Variants in PXDN observed in about 807,000 individuals in gnomAD.
PXDN encodes peroxidasin, also known as peroxidasin homolog.
In PXDN, 77 loss-of-function variants were observed where a neutral mutation model predicts 140.3. The observed-to-expected ratio is 0.55, with a 90% CI of 0.46 to 0.66. The LOEUF is 0.66. Among genes scored for constraint, PXDN ranks in the 30% least tolerant of loss-of-function variants. The pLI is 0.00. For missense variants in PXDN, 1,838 were observed against 2,039.5 expected (o/e 0.90, Z 1.90); for synonymous variants, 911 against 857.4 (o/e 1.06, Z -1.09).
At position 1,634,280 on chromosome 2, in the gene PXDN, G is replaced by A; in HGVS notation, c.4364C>T (p.Thr1455Ile). The change falls in exon 23 of 23, where the codon ACC becomes ATC. Residue 1455 changes from threonine (T) to isoleucine (I), a missense_variant. Physicochemically the swap from Thr to Ile is moderately conservative, Grantham distance 89. Around this residue, in one of 5 missense-constraint regions of PXDN, gnomAD observed 850 missense variants for 894.1 expected, o/e 0.95. Transcript: ENST00000252804. ...TGGGATGTTCACGGGGACAGCACAG[G>A]TGGCAGGGGGGCAAGCTTCCACGAA... ...TCFVEACPPA[T>I]CAVPVNIPGA... The A allele has an allele frequency of 6.2e-7, 1 of 1,607,228 alleles. No individual in the cohort carries two copies. The highest frequency in any genetic ancestry group is 8.5e-7 in the Non-Finnish European group (1 of 1,177,130).
intron 9 of PXDN, among the ~76,000 whole-genome samples, chr2:1,666,788 T>C (rs956565078): frequency 6.6e-6 from 1 of 152,220 alleles, no homozygotes; most frequent in South Asian, 2.1e-4. Context: ...TTCTTATTTC[T>C]AAATAAAATA....
intron 1 of PXDN, among the ~76,000 whole-genome samples, chr2:1,711,656 GCACCCACTCTC>G (rs1558521754): frequency 1.9e-5 from 1 of 52,650 alleles, no homozygotes; most frequent in African/African-American, 9.0e-5. Context: ...CACTCCACCA[GCACCCACTCTC>G]CACCAGCACC....
chr2:1,685,923 G>A lies in PXDN; in HGVS notation c.416+1709C>T, dbSNP rs1684044994. Among the ~76,000 whole-genome samples, 1 of 152,176 alleles carries A rather than the reference G, an allele frequency of 6.6e-6. No individual in the cohort carries two copies. The highest frequency in any genetic ancestry group is 1.5e-5 in the Non-Finnish European group (1 of 68,024). ...AAACGCATGTTTCCTGACTGGCCAGGTGTGTTTTCTGACCTGTGTCCACAG... is the reference window on the plus strand; with the variant it reads ...AAACGCATGTTTCCTGACTGGCCAGATGTGTTTTCTGACCTGTGTCCACAG... On this transcript the variant is annotated intron_variant, in intron 4 of 22. Coordinates refer to ENST00000252804, the MANE Select transcript of PXDN (RefSeq NM_012293.3). This position sits in a 1 kb window ranked among gnomAD's most constrained non-coding sequence, Gnocchi z 5.1.
Position 1,648,933 on chromosome 2 carries a change from G to A in PXDN, c.2847C>T (p.Leu949=), listed in dbSNP as rs763504104. Residue 949 remains leucine (L), a synonymous_variant, in exon 17 of 23, where the codon CTC becomes CTT. Transcript: ENST00000252804. This position sits in a 1 kb window ranked among gnomAD's most constrained non-coding sequence, Gnocchi z 8.9. Reference sequence around the variant, plus strand: ...CCGTGGGCGGCCCGGTGGCGAAGGGGAGCAGCGGCTTCCCGGACCGCTGCA... The same window carrying A: ...CCGTGGGCGGCCCGGTGGCGAAGGGAAGCAGCGGCTTCCCGGACCGCTGCA... The part of the protein sequence containing the change: ...GIVQRSGKPL[L]PFATGPPTEC... The A allele has an allele frequency of 6.2e-7, 1 of 1,603,502 alleles. No individual in the cohort carries two copies. Among genetic ancestry groups the A allele is most frequent in the South Asian group, 1.1e-5 (1 of 90,744 alleles).
At position 1,634,010 on chromosome 2, in the gene PXDN, G is replaced by T. The variant is rs1183733021; in HGVS notation, c.*194C>A. ...CCTGCCTGCTTCCCTTCAGGCACCT[G>T]CTGTGCCTCCTTCTCCGCAGATGCT... is the stretch of plus-strand genomic sequence containing the variant. On this transcript the variant is annotated 3_prime_UTR_variant, in exon 23 of 23. Coordinates refer to ENST00000252804, the MANE Select transcript of PXDN (RefSeq NM_012293.3). The T allele has an allele frequency of 1.4e-6, 1 of 698,094 alleles. No individual in the cohort carries two copies. The highest frequency in any genetic ancestry group is 2.2e-6 in the Non-Finnish European group (1 of 460,322). The allele number at this position is 698,094 out of a possible 1,614,324, so 43.2% of individuals were successfully genotyped here. A position where few individuals can be genotyped will look rare whatever the true frequency, so the allele number is the denominator to read the frequency against.
intron 9 of PXDN, among the ~76,000 whole-genome samples, chr2:1,670,441 T>C (rs1410917939): frequency 6.6e-6 from 1 of 152,176 alleles, no homozygotes; most frequent in Non-Finnish European, 1.5e-5. Flanking sequence ...CTAAGCATTT[T>C]GGGAAGAGGG....
intron 3 of PXDN, among the ~76,000 whole-genome samples, chr2:1,690,648 C>CAAAAAAAAAAAAAAAAAAAAA (rs35970382): frequency 1.5e-5 from 1 of 68,650 alleles, no homozygotes; most frequent in Non-Finnish European, 2.7e-5. Flanking sequence ...TTCAAAATAC[C>CAAAAAAAAAAAAAAAAAAAAA]AAAAAAAAAA....
chr2:1,651,220 G>A lies in PXDN; in HGVS notation c.2105-1545C>T, dbSNP rs1197223430. Among the ~76,000 whole-genome samples, 1 of 152,178 alleles carries A rather than the reference G, an allele frequency of 6.6e-6. No individual in the cohort carries two copies. Among genetic ancestry groups the A allele is most frequent in the Non-Finnish European group, 1.5e-5 (1 of 68,038 alleles). ...AGCCAAGAAAGCAGAGTGCCAGGAG[G>A]AAAAGCACTTCCTCCCAAATGCCTG... On this transcript the variant is annotated intron_variant, in intron 16 of 22. Coordinates refer to ENST00000252804, the MANE Select transcript of PXDN (RefSeq NM_012293.3). The surrounding 1 kb of genome is among the most constrained non-coding windows in gnomAD (Gnocchi z 4.4).
At chr2:1,709,649 G>A (rs1003857289) in intron 1 of PXDN, among the ~76,000 whole-genome samples, 8 of 152,190 alleles carry the variant, frequency 5.3e-5, no homozygotes, top group East Asian at 3.9e-4. Flanking sequence ...CCGGCAAGGC[G>A]GCTCCCATCG....
At chr2:1,638,762 A>C in intron 21 of PXDN, 84 bp downstream of exon 21, 1 of 1,583,536 alleles carries the variant, frequency 6.3e-7, no homozygotes, top group East Asian at 2.2e-5. Context: ...CCTGGGAATA[A>C]AATGCTATAC....
rs1024305104 is a variant in PXDN at position 1,649,101 on chromosome 2, G to A, written c.2679C>T (p.Leu893=). The change falls in exon 17 of 23, where the codon CTC becomes CTT. Residue 893 remains leucine (L), a synonymous_variant. Coordinates refer to ENST00000252804, the MANE Select transcript of PXDN (RefSeq NM_012293.3). The surrounding 1 kb of genome is among the most constrained non-coding windows in gnomAD (Gnocchi z 7.1). ...PVCGSGMTSL[L]MNSVYPREQI... is the part of the protein sequence containing the mutation. ...GCTCCCGCGGGTACACGGAGTTCAT[G>A]AGCAGCGAAGTCATGCCGCTGCCGC... The A allele has an allele frequency of 1.1e-5, 18 of 1,612,664 alleles. No homozygotes were observed. Among genetic ancestry groups the A allele is most frequent in the Non-Finnish European group, 1.5e-5 (18 of 1,179,858 alleles).
intron 1 of PXDN, among the ~76,000 whole-genome samples, chr2:1,738,766 C>G (rs969965272): frequency 1.3e-5 from 2 of 152,082 alleles, no homozygotes; most frequent in African/African-American, 4.8e-5. Flanking sequence ...GGCTGGCCTT[C>G]GAACTCCCGA....
intron 14 of PXDN, 110 bp from the exon 15 acceptor site, chr2:1,654,618 TTA>T (rs1683089245): frequency 1.5e-6 from 1 of 647,972 alleles, no homozygotes; most frequent in Middle Eastern, 3.3e-4. Flanking sequence ...TCTCCAAATG[TTA>T]TTTCTATTTT....
rs370271015 is a variant in PXDN, at chr2:1,648,291, C to A, written c.3489G>T (p.Arg1163=). The A allele has an allele frequency of 8.8e-5, 142 of 1,613,788 alleles. No homozygotes were observed. The highest frequency in any genetic ancestry group is 1.1e-4 in the Non-Finnish European group (132 of 1,179,900). ...DLAAINIQRG[R]DHGIPPYHDY... ...CGTGGTAGGGTGGGATCCCGTGGTCCCGGCCCCGCTGGATGTTGATGGCCG... is the reference window on the plus strand; with the variant it reads ...CGTGGTAGGGTGGGATCCCGTGGTCACGGCCCCGCTGGATGTTGATGGCCG... Residue 1163 remains arginine (R), a synonymous_variant, in exon 17 of 23, where the codon CGG becomes CGT. Coordinates refer to ENST00000252804, the MANE Select transcript of PXDN (RefSeq NM_012293.3). This position sits in a 1 kb window ranked among gnomAD's most constrained non-coding sequence, Gnocchi z 8.9.
rs1297699588 is a variant in PXDN at position 1,714,654 on chromosome 2, C to T, written c.201-21520G>A. 1.3e-5 allele frequency among the ~76,000 whole-genome samples: 2 copies of T among 152,180 alleles called. No homozygotes were observed. Among genetic ancestry groups the T allele is most frequent in the African/African-American group, 4.8e-5 (2 of 41,444 alleles). Reference sequence around the variant, plus strand: ...GAATGCGGCCACAGAAGAGGCGACCCGGTGGCTGTGGCCAAGCTCCGATAA... The same window carrying T: ...GAATGCGGCCACAGAAGAGGCGACCTGGTGGCTGTGGCCAAGCTCCGATAA... On this transcript the variant is annotated intron_variant, in intron 1 of 22. Coordinates refer to ENST00000252804, the MANE Select transcript of PXDN (RefSeq NM_012293.3). The surrounding 1 kb of genome is among the most constrained non-coding windows in gnomAD (Gnocchi z 4.3).
chr2:1,737,452 T>C (rs1347002153), intron 1 of PXDN, among the ~76,000 whole-genome samples: 1 of 152,232 alleles, frequency 6.6e-6, no homozygotes, highest in Non-Finnish European at 1.5e-5. Context: ...TGAGTAATCA[T>C]TCCACTGAGA....
chr2:1,692,157 A>G (rs890599217), intron 2 of PXDN, among the ~76,000 whole-genome samples, 158 bp from the exon 3 acceptor site: 5 of 152,256 alleles, frequency 3.3e-5, no homozygotes, highest in Non-Finnish European at 4.4e-5. Context: ...AGGACAAAAC[A>G]CAGCTTTCGC....
At position 1,648,370 on chromosome 2, in the gene PXDN, G is replaced by C. The variant is rs750668748; in HGVS notation, c.3410C>G (p.Thr1137Arg). The C allele has an allele frequency of 6.2e-7, 1 of 1,613,338 alleles. No individual in the cohort carries two copies. The highest frequency in any genetic ancestry group is 8.5e-7 in the Non-Finnish European group (1 of 1,179,884). Residue 1137 changes from threonine to arginine, a missense_variant, in exon 17 of 23, where the codon ACG (threonine) becomes AGG (arginine). By Grantham distance (71) the Thr-to-Arg change is moderately conservative (BLOSUM62 -1). Coordinates refer to ENST00000252804, the MANE Select transcript of PXDN (RefSeq NM_012293.3). The surrounding 1 kb of genome is among the most constrained non-coding windows in gnomAD (Gnocchi z 8.9). ...GGAGAACAGCCGCTCCGTGAGCTCC[G>C]TGTTCAGCAGCTGCGAGGGCACACG... ...KMRVPSQLLN[T>R]ELTERLFSMA... is the part of the protein sequence containing the mutation.
At chr2:1,662,370 C>G (rs377054375) in intron 12 of PXDN, among the ~76,000 whole-genome samples, 186 bp from the exon 13 acceptor site, 7 of 152,196 alleles carry the variant, frequency 4.6e-5, no homozygotes, top group Non-Finnish European at 1.0e-4. Context: ...CTGAAAGATC[C>G]CAGGGAAGAT....
Sources: allele counts gnomAD v4.1 joint callset (sites outside exome capture counted in the v4.1 genomes callset), GRCh38; gene constraint gnomAD v4.1.1; regional missense constraint gnomAD v4.1.1; non-coding constraint Gnocchi (gnomAD v3.1); transcripts MANE v1.5; gene names NCBI Gene and HGNC (gene_info 2026-07-23, HGNC 2026-07-21).